The following TMX2 variants were observed in gnomAD, a reference collection of about 807,000 sequenced individuals.
TMX2 encodes thioredoxin-related transmembrane protein 2.
TMX2 carries 20 observed loss-of-function variants against 33.4 expected under a neutral mutation model. The ratio of observed to expected loss-of-function variants is 0.60; its 90% CI spans 0.42 to 0.87. TMX2 has a LOEUF of 0.87. TMX2 is among the 40% of genes least tolerant of loss of function. The probability of loss-of-function intolerance (pLI) is 0.00; values close to 1 mark genes in which losing one functional copy is unlikely to be tolerated. For synonymous variants in TMX2, 166 were observed against 140.7 expected, an observed-to-expected ratio of 1.18 and a Z score of -1.27; for missense variants, 340 against 370.7, an observed-to-expected ratio of 0.92 and a Z score of 0.68.
At chr11:57,718,575 G>C in intron 1 of TMX2, 1 of 601,634 alleles carries the variant, frequency 1.7e-6, no homozygotes, top group South Asian at 1.8e-5. Flanking sequence ...AAGCCTCTTT[G>C]CCCAACTTTT....
chr11:57,720,166 C>T (rs1292475545), intron 1 of TMX2, among the ~76,000 whole-genome samples: 2 of 151,320 alleles, frequency 1.3e-5, no homozygotes, highest in African/African-American at 4.8e-5. Context: ...TGCCACTGAC[C>T]CTCTCTTTTG....
At chr11:57,731,124 T>TG (rs1164690515) in intron 1 of TMX2, among the ~76,000 whole-genome samples, 12 of 92,626 alleles carry the variant, frequency 1.3e-4, no homozygotes, top group African/African-American at 1.8e-4. Context: ...TTTTGTTTTT[T>TG]GTTTTTTTTT....
chr11:57,738,984 A>G lies in TMX2; in HGVS notation c.559A>G (p.Thr187Ala). The G allele has an allele frequency of 1.2e-6, 2 of 1,614,052 alleles. No homozygotes were observed. Among genetic ancestry groups the G allele is most frequent in the Non-Finnish European group, 1.7e-6 (2 of 1,179,958 alleles). ...ATATATTCTTTTCAGATACAACTGT[A>G]CAGGGCTAAATTTTGGGAAGGTGGA... ...YADLSLKYNC[T>A]GLNFGKVDVG... The change falls in exon 6 of 8, where the codon ACA becomes GCA. Residue 187 changes from threonine to alanine, a missense_variant. By Grantham distance (58) the Thr-to-Ala change is moderately conservative. Coordinates refer to ENST00000278422, the MANE Select transcript of TMX2 (RefSeq NM_015959.4).
At chr11:57,720,589 A>T (rs752930488) in intron 1 of TMX2, among the ~76,000 whole-genome samples, 7 of 152,172 alleles carry the variant, frequency 4.6e-5, no homozygotes, top group Non-Finnish European at 8.8e-5. Flanking sequence ...TAGTGGAGAC[A>T]GTTTCACCAC....
chr11:57,728,169 CTT>C (rs35898776), intron 1 of TMX2, among the ~76,000 whole-genome samples: 4 of 148,866 alleles, frequency 2.7e-5, no homozygotes, highest in East Asian at 2.0e-4. Flanking sequence ...GAGTTTCACT[CTT>C]TTTTTTTTTG....
chr11:57,713,055 GTTTC>G (rs1166336667), intron 1 of TMX2, among the ~76,000 whole-genome samples: 10 of 152,138 alleles, frequency 6.6e-5, no homozygotes, highest in African/African-American at 2.4e-4. Context: ...TTGAGTCCAG[GTTTC>G]TTTCTGTTTC....
intron 1 of TMX2, among the ~76,000 whole-genome samples, chr11:57,717,673 G>A (rs1947238885): frequency 2.2e-5 from 3 of 138,520 alleles, no homozygotes; most frequent in Non-Finnish European, 3.1e-5. Flanking sequence ...GCTTCGGCTC[G>A]GCATCAGAGG....
At chr11:57,735,248 G>T (rs1364458237) in intron 1 of TMX2, among the ~76,000 whole-genome samples, 3 of 150,412 alleles carry the variant, frequency 2.0e-5, no homozygotes, top group Admixed American at 1.3e-4. Context: ...TCACTCTGTT[G>T]CCCAGGCTGG....
At chr11:57,716,403 C>T (rs1947042967) in intron 1 of TMX2, among the ~76,000 whole-genome samples, 1 of 122,292 alleles carries the variant, frequency 8.2e-6, no homozygotes, top group South Asian at 2.7e-4. Context: ...CTGACCCCCC[C>T]ACCTCCCTCC....
At chr11:57,727,125 C>T (rs948695589) in intron 1 of TMX2, among the ~76,000 whole-genome samples, 20 of 152,008 alleles carry the variant, frequency 1.3e-4, no homozygotes, top group Admixed American at 3.3e-4. Context: ...GTTAAAGACC[C>T]GGATCATAAT....
chr11:57,718,476 T>G, intron 1 of TMX2: 1 of 963,032 alleles, frequency 1.0e-6, no homozygotes, highest in Non-Finnish European at 1.7e-6. Flanking sequence ...TCGAAGGAGA[T>G]GCGGCCCAGG....
At chr11:57,719,893 T>G (rs764382319) in intron 1 of TMX2, among the ~76,000 whole-genome samples, 30 of 152,240 alleles carry the variant, frequency 2.0e-4, no homozygotes, top group Middle Eastern at 3.4e-3. Flanking sequence ...AAACTGGTTG[T>G]TCCATGTATT....
chr11:57,738,379 C>T lies in TMX2; in HGVS notation c.390C>T (p.Pro130=). The change falls in exon 4 of 8, where the codon CCC becomes CCT. Residue 130 remains proline (P), a synonymous_variant. Transcript: ENST00000278422. ...CIVFLMTCKP[P]LYMGPEYIKY... is the part of the protein sequence containing the mutation. The stretch of plus-strand genomic sequence containing the variant: ...TGTTCCTGATGACGTGCAAACCCCC[C>T]CTATATATGGGCCCTGAGTATATCA... 1 of 1,611,766 alleles carries T rather than the reference C, an allele frequency of 6.2e-7. No homozygotes were observed. The highest frequency in any genetic ancestry group is 8.5e-7 in the Non-Finnish European group (1 of 1,177,992).
At position 57,737,678 on chromosome 11, in the gene TMX2, GTTC is replaced by G. The variant is rs768260238; in HGVS notation, c.250+11_250+13del. On this transcript the variant is annotated intron_variant, in intron 2 of 7. Coordinates refer to ENST00000278422, the MANE Select transcript of TMX2 (RefSeq NM_015959.4). ...AAGAACCGCAGATCCAGTAAGTTTAGTTCACTTCTCAGACTCAAGGTTAGATCT... is the reference window on the plus strand; with the variant it reads ...AAGAACCGCAGATCCAGTAAGTTTAGACTTCTCAGACTCAAGGTTAGATCT... The G allele has an allele frequency of 1.9e-6, 3 of 1,613,442 alleles. No individual in the cohort carries two copies. The highest frequency in any genetic ancestry group is 1.6e-4 in the Middle Eastern group (1 of 6,062).
chr11:57,739,131 G>A lies in TMX2; in HGVS notation c.615G>A (p.Arg205=). The part of the protein sequence containing the change: ...DVGRYTDVST[R]YKVSTSPLTK... ...TTAGAGAACTTTCTGGGCCCTGCAG[G>A]TACAAAGTGAGCACATCACCCCTCA... The change falls in exon 7 of 8, where the codon CGG becomes CGA. Residue 205 remains arginine (R), a splice_region_variant and synonymous_variant. Coordinates refer to ENST00000278422, the MANE Select transcript of TMX2 (RefSeq NM_015959.4). 2 of 1,614,046 alleles carry A rather than the reference G, an allele frequency of 1.2e-6. No homozygotes were observed. Among genetic ancestry groups the A allele is most frequent in the Non-Finnish European group, 1.7e-6 (2 of 1,180,026 alleles).
chr11:57,714,594 T>C (rs1043183727), intron 1 of TMX2, among the ~76,000 whole-genome samples: 1 of 152,014 alleles, frequency 6.6e-6, no homozygotes, highest in Non-Finnish European at 1.5e-5. Flanking sequence ...GGGTTTTTAG[T>C]TTTTTGGATT....
At chr11:57,715,864 A>G (rs1272187) in intron 1 of TMX2, among the ~76,000 whole-genome samples, 8,739 of 151,610 alleles carry the variant, frequency 0.058, 840 homozygotes, top group African/African-American at 0.2. Context: ...CCCTGAGTGG[A>G]CACAGCACAT....
chr11:57,720,439 A>T (rs529944446), intron 1 of TMX2, among the ~76,000 whole-genome samples: 2 of 152,200 alleles, frequency 1.3e-5, no homozygotes, highest in Non-Finnish European at 2.9e-5. Flanking sequence ...GTCTTGCTCT[A>T]TCGCCCAGGC....
chr11:57,716,775 C>T (rs1468474513), intron 1 of TMX2, among the ~76,000 whole-genome samples: 8 of 149,150 alleles, frequency 5.4e-5, no homozygotes, highest in African/African-American at 1.2e-4. Context: ...CCTCACTTCC[C>T]AGTAGGGGCG....
Sources: allele counts gnomAD v4.1 joint callset (sites outside exome capture counted in the v4.1 genomes callset), GRCh38; gene constraint gnomAD v4.1.1; transcripts MANE v1.5; gene names NCBI Gene and HGNC (gene_info 2026-07-23, HGNC 2026-07-21).